Variants in ENOX1 observed in about 807,000 individuals in gnomAD.
ENOX1 encodes the protein ecto-NOX disulfide-thiol exchanger 1, also known as candidate growth-related and time keeping constitutive hydroquinone (NADH) oxidase.
In ENOX1, 42 loss-of-function variants were observed where a neutral mutation model predicts 82.5. That is an observed-to-expected ratio of 0.51 (90% CI 0.40 to 0.66). The LOEUF (loss-of-function observed/expected upper bound fraction) is 0.66, where lower values mean the gene tolerates loss of function less well. ENOX1 is among the 30% of genes least tolerant of loss of function. The pLI, the probability that ENOX1 is intolerant of heterozygous loss-of-function variation, is 0.00. For synonymous variants in ENOX1, 271 were observed against 282.2 expected (o/e 0.96, Z 0.40); for missense variants, 608 against 811.6 (o/e 0.75, Z 3.05).
chr13:43,255,215 GT>G (rs2043677847), intron 14 of ENOX1, among the ~76,000 whole-genome samples: 1 of 152,076 alleles, frequency 6.6e-6, no homozygotes, highest in Non-Finnish European at 1.5e-5. Context: ...TTCATAGATG[GT>G]GAAAAAGCAT....
intron 16 of ENOX1, among the ~76,000 whole-genome samples, chr13:43,218,201 G>A (rs1173732772): frequency 6.6e-6 from 1 of 152,198 alleles, no homozygotes; most frequent in East Asian, 1.9e-4. Context: ...AAATGTATTA[G>A]CTGTAGTTTC....
chr13:43,552,893 G>A (rs1221026507), intron 2 of ENOX1, among the ~76,000 whole-genome samples: 1 of 152,176 alleles, frequency 6.6e-6, no homozygotes, highest in African/African-American at 2.4e-5. Context: ...GAATTAGGGA[G>A]GAGCTTCACT....
At chr13:43,712,598 G>A (rs7491331) in intron 1 of ENOX1, among the ~76,000 whole-genome samples, 30,097 of 136,274 alleles carry the variant, frequency 0.22, 3,526 homozygotes, top group South Asian at 0.3. Flanking sequence ...TTCATTGAGC[G>A]GTGGTTTGTA....
At chr13:43,240,015 CCTCT>C (rs999213405) in intron 14 of ENOX1, among the ~76,000 whole-genome samples, 1 of 151,976 alleles carries the variant, frequency 6.6e-6, no homozygotes, top group Non-Finnish European at 1.5e-5. Flanking sequence ...ACAACTGTAC[CCTCT>C]CTCTTTGTTT....
chr13:43,489,416 T>A (rs2076543513), intron 2 of ENOX1, among the ~76,000 whole-genome samples: 1 of 152,198 alleles, frequency 6.6e-6, no homozygotes, highest in African/African-American at 2.4e-5. Flanking sequence ...GTGCAAGAGC[T>A]GTGAGACACA....
At chr13:43,315,074 A>T (rs1409253284) in intron 11 of ENOX1, among the ~76,000 whole-genome samples, 1 of 152,228 alleles carries the variant, frequency 6.6e-6, no homozygotes, top group Non-Finnish European at 1.5e-5. Flanking sequence ...CCTGAGCCTT[A>T]AAAAATACAC....
chr13:43,647,736 G>T (rs1298070887), intron 2 of ENOX1, among the ~76,000 whole-genome samples: 2 of 152,152 alleles, frequency 1.3e-5, no homozygotes, highest in African/African-American at 4.8e-5. Flanking sequence ...TGGAACCCAT[G>T]AATATGTTAC....
chr13:43,234,978 A>T (rs1236904052), intron 15 of ENOX1, among the ~76,000 whole-genome samples: 4 of 152,222 alleles, frequency 2.6e-5, no homozygotes, highest in Admixed American at 1.3e-4. Context: ...CTTCAAGTGG[A>T]CAGAATTCTT....
At chr13:43,219,046 G>T (rs1204871236) in intron 16 of ENOX1, among the ~76,000 whole-genome samples, 3 of 152,134 alleles carry the variant, frequency 2.0e-5, no homozygotes, top group Non-Finnish European at 4.4e-5. Context: ...CACTGGCTGA[G>T]CTCTGAGTGA....
At chr13:43,735,538 A>G (rs7984079) in intron 1 of ENOX1, among the ~76,000 whole-genome samples, 14,241 of 152,036 alleles carry the variant, frequency 0.094, 1,104 homozygotes, top group African/African-American at 0.21. Context: ...TGGGTAACAC[A>G]GTGAAACCCC....
chr13:43,580,934 TAGG>T (rs2080692333), intron 2 of ENOX1, among the ~76,000 whole-genome samples: 1 of 152,140 alleles, frequency 6.6e-6, no homozygotes, highest in South Asian at 2.1e-4. Context: ...GTTTGTCCTT[TAGG>T]AGATTAATTG....
In ENOX1 at chr13:43,702,953, C is replaced by CAAAAAAAAAAAAAA. The variant is rs60810191; in HGVS notation, c.-284-35423_-284-35410dup. Among the ~76,000 whole-genome samples, 7 of 51,010 alleles carry CAAAAAAAAAAAAAA rather than the reference C, an allele frequency of 1.4e-4. 1 individual carries two copies. Among genetic ancestry groups the CAAAAAAAAAAAAAA allele is most frequent in the Non-Finnish European group, 2.3e-4 (7 of 30,542 alleles). 33.5% of individuals were successfully genotyped at this position (51,010 alleles called of 152,430 possible). The stretch of plus-strand genomic sequence containing the variant: ...GGGCAACAAGAGTGAGACTCTGTCT[C>CAAAAAAAAAAAAAA]AAAAAAAAAAAAAAAAAAAAAAAAA... On this transcript the variant is annotated intron_variant, in intron 1 of 16. Transcript: ENST00000690772.
intron 16 of ENOX1, 37 bp downstream of exon 16, chr13:43,224,016 T>A: frequency 6.5e-7 from 1 of 1,529,060 alleles, no homozygotes; most frequent in Non-Finnish European, 9.1e-7. Flanking sequence ...CATGCTAAAT[T>A]TGAGCAACGA....
intron 3 of ENOX1, among the ~76,000 whole-genome samples, chr13:43,448,387 A>C (rs1372890887): frequency 6.6e-6 from 1 of 152,268 alleles, no homozygotes; most frequent in East Asian, 1.9e-4. Context: ...AAAAAACTTC[A>C]AACGGCAAAT....
At chr13:43,770,219 G>A (rs1951508681) in intron 1 of ENOX1, among the ~76,000 whole-genome samples, 1 of 152,210 alleles carries the variant, frequency 6.6e-6, no homozygotes, top group Non-Finnish European at 1.5e-5. Context: ...GACGAAGTTA[G>A]CATATGCTTC....
At chr13:43,281,968 A>G (rs1478382082) in intron 12 of ENOX1, among the ~76,000 whole-genome samples, 1 of 152,162 alleles carries the variant, frequency 6.6e-6, no homozygotes, top group African/African-American at 2.4e-5. Flanking sequence ...AAGAGATTAT[A>G]TCGGGATTAA....
At chr13:43,216,445 ACTATTAT>A (rs2041489636) in intron 16 of ENOX1, among the ~76,000 whole-genome samples, 5 of 152,212 alleles carry the variant, frequency 3.3e-5, no homozygotes, top group Non-Finnish European at 1.5e-5. Flanking sequence ...AGAAAATGAC[ACTATTAT>A]CTAACCTTTT....
intron 5 of ENOX1, among the ~76,000 whole-genome samples, chr13:43,405,065 T>C (rs986401660): frequency 0.013 from 2,024 of 152,316 alleles, 38 homozygotes; most frequent in African/African-American, 0.045. Flanking sequence ...ACTTTGCTGG[T>C]ATAAGTATGA....
At chr13:43,767,641 G>T (rs1039551793) in intron 1 of ENOX1, among the ~76,000 whole-genome samples, 2 of 152,222 alleles carry the variant, frequency 1.3e-5, no homozygotes, top group Non-Finnish European at 2.9e-5. Flanking sequence ...GCTGTAATGG[G>T]TTCATTAGAG....
Sources: gnomAD v4.1 joint callset for allele counts (sites outside exome capture counted in the v4.1 genomes callset) on GRCh38, gnomAD v4.1.1 for gene constraint, MANE v1.5 for transcripts, NCBI Gene and HGNC (gene_info 2026-07-23, HGNC 2026-07-21) for gene names.